The following SUCNR1 variants were observed in gnomAD, a reference collection of about 807,000 sequenced individuals.
The protein encoded by SUCNR1 is succinate receptor 1, also known as G-protein coupled receptor 91.
In SUCNR1, 5 loss-of-function variants were observed where a neutral mutation model predicts 2.4. That is an observed-to-expected ratio of 2.07 (90% CI 1.08 to 4.36). The LOEUF (loss-of-function observed/expected upper bound fraction) is 4.36. SUCNR1 is among the 30% of genes most tolerant of loss of function. The pLI, the probability that SUCNR1 is intolerant of heterozygous loss-of-function variation, is 0.00. For synonymous variants in SUCNR1, 162 were observed against 143.9 expected (o/e 1.13, Z -0.90); for missense variants, 373 against 399.2 (o/e 0.93, Z 0.56).
chr3:151,879,883 C>T lies in SUCNR1; in HGVS notation c.-10C>T, dbSNP rs1310410741. On this transcript the variant is annotated 5_prime_UTR_variant, in exon 2 of 3. Coordinates refer to ENST00000362032, the MANE Select transcript of SUCNR1 (RefSeq NM_033050.6). The stretch of plus-strand genomic sequence containing the variant: ...GTTTAACTCAGCAGAATTTGTTGAA[C>T]AACTACGACATGCTGGGGATCATGG... 1.9e-6 allele frequency: 3 copies of T among 1,577,630 alleles called. No homozygotes were observed. Among genetic ancestry groups the T allele is most frequent in the Non-Finnish European group, 2.6e-6 (3 of 1,161,348 alleles).
At position 151,881,618 on chromosome 3, in the gene SUCNR1, C is replaced by A; in HGVS notation, c.*70C>A. On this transcript the variant is annotated 3_prime_UTR_variant, in exon 3 of 3. Transcript: ENST00000362032. ...GTTACAGTTTGCCTTAACTCATAGACATCAATCAGAGAGTGTCACAGATTT... is the reference window on the plus strand; with the variant it reads ...GTTACAGTTTGCCTTAACTCATAGAAATCAATCAGAGAGTGTCACAGATTT... The A allele has an allele frequency of 1.5e-6, 2 of 1,358,266 alleles. No individual in the cohort carries two copies. The highest frequency in any genetic ancestry group is 2.0e-4 in the Middle Eastern group (1 of 5,028). 84.1% of individuals were successfully genotyped at this position (1,358,266 alleles called of 1,614,324 possible).
At position 151,881,492 on chromosome 3, in the gene SUCNR1, C is replaced by G. The variant is rs1302799367; in HGVS notation, c.949C>G (p.Leu317Val). Residue 317 changes from leucine (L) to valine (V), a missense_variant, in exon 3 of 3, where the codon CTT becomes GTT. Leu to Val is a conservative substitution (Grantham distance 32). Coordinates refer to ENST00000362032, the MANE Select transcript of SUCNR1 (RefSeq NM_033050.6). ...TCAACTGAGACACAACTTCAAATCC[C>G]TTACATCCTTTAGCAGATGGGCTCA... ...MNQLRHNFKS[L>V]TSFSRWAHEL... The G allele has an allele frequency of 6.2e-7, 1 of 1,613,556 alleles. No individual in the cohort carries two copies. Among genetic ancestry groups the G allele is most frequent in the East Asian group, 2.2e-5 (1 of 44,886 alleles).
intron 1 of SUCNR1, among the ~76,000 whole-genome samples, chr3:151,875,177 A>G (rs76992305): frequency 0.028 from 4,284 of 152,218 alleles, 204 homozygotes; most frequent in African/African-American, 0.098. Context: ...AAAAATACCT[A>G]TTCAAAATAA....
rs772121464 is a variant in SUCNR1, at chr3:151,884,603, A to G, written c.*3055A>G. On this transcript the variant is annotated 3_prime_UTR_variant, in exon 3 of 3. Transcript: ENST00000362032. The stretch of plus-strand genomic sequence containing the variant: ...AATGTACATGTACACAATAATAAAA[A>G]TAATTTTTTTCTCAGACCTGCCTGC... 6.6e-6 allele frequency: 1 copy of G among 152,246 alleles called. No homozygotes were observed. Among genetic ancestry groups the G allele is most frequent in the Non-Finnish European group, 1.5e-5 (1 of 68,040 alleles). 9.4% of individuals were successfully genotyped at this position (152,246 alleles called of 1,614,324 possible). A position where few individuals can be genotyped will look rare whatever the true frequency, so the allele number is the denominator to read the frequency against.
In SUCNR1 at chr3:151,884,394, T is replaced by C. The variant is rs908770523; in HGVS notation, c.*2846T>C. 8 of 152,212 alleles carry C rather than the reference T, an allele frequency of 5.3e-5. No homozygotes were observed. The highest frequency in any genetic ancestry group is 5.2e-4 in the Admixed American group (8 of 15,290). The allele number at this position is 152,212 out of a possible 1,614,324, so 9.4% of individuals were successfully genotyped here. ...AATCTCTGTCTCCTAGTTCCAAATA[T>C]GGGTCATCTTGGAGTTGGTCTTCAT... On this transcript the variant is annotated 3_prime_UTR_variant, in exon 3 of 3. Coordinates refer to ENST00000362032, the MANE Select transcript of SUCNR1 (RefSeq NM_033050.6).
chr3:151,880,117 A>G (rs916999621), intron 2 of SUCNR1, among the ~76,000 whole-genome samples: 3 of 152,136 alleles, frequency 2.0e-5, no homozygotes, highest in African/African-American at 7.2e-5. Context: ...TTTAAATGTC[A>G]TCTTGTATAA....
rs139579015 is a variant in SUCNR1 at position 151,880,615 on chromosome 3, C to G, written c.72C>G (p.Tyr24Ter). Residue 24 changes from tyrosine (Y) to a stop codon, truncating the protein, a stop_gained, in exon 3 of 3, where the codon TAC (tyrosine) becomes TAG (stop). Coordinates refer to ENST00000362032, the MANE Select transcript of SUCNR1 (RefSeq NM_033050.6). LOFTEE classifies it low-confidence loss of function (END_TRUNC). ...CAGCAGAGGCTGCCCTGGAAAAGTA[C>G]TACCTTTCCATTTTTTATGGGATTG... The part of the protein sequence containing the change: ...WLAAEAALEK[Y>*]YLSIFYGIEF... 57 of 1,612,934 alleles carry G rather than the reference C, an allele frequency of 3.5e-5. No homozygotes were observed. The Admixed American group carries it at 8.7e-4, about 25-fold the overall frequency.
At chr3:151,875,496 A>T (rs1717897934) in intron 1 of SUCNR1, among the ~76,000 whole-genome samples, 1 of 152,160 alleles carries the variant, frequency 6.6e-6, no homozygotes, top group African/African-American at 2.4e-5. Flanking sequence ...AATCTATTAG[A>T]ATTATGAACT....
intron 1 of SUCNR1, among the ~76,000 whole-genome samples, chr3:151,874,137 TA>T (rs1559855910): frequency 3.3e-5 from 2 of 59,758 alleles, no homozygotes; most frequent in African/African-American, 1.4e-4. Flanking sequence ...TATATATATA[TA>T]TATATATATT....
rs1284630572 is a variant in SUCNR1, at chr3:151,883,729, T to C, written c.*2181T>C. Reference sequence around the variant, plus strand: ...TTGTGGTTTCTAAAGGAAATAATATTGAGCTTTTGTATTTTGTCTTTTAAT... The same window carrying C: ...TTGTGGTTTCTAAAGGAAATAATATCGAGCTTTTGTATTTTGTCTTTTAAT... On this transcript the variant is annotated 3_prime_UTR_variant, in exon 3 of 3. Transcript: ENST00000362032. 6.6e-6 allele frequency: 1 copy of C among 151,824 alleles called. No homozygotes were observed. Among genetic ancestry groups the C allele is most frequent in the African/African-American group, 2.4e-5 (1 of 41,356 alleles). The allele number at this position is 151,824 out of a possible 1,614,324, so 9.4% of individuals were successfully genotyped here. A position where few individuals can be genotyped will look rare whatever the true frequency, so the allele number is the denominator to read the frequency against.
intron 1 of SUCNR1, among the ~76,000 whole-genome samples, chr3:151,874,335 C>T (rs1278385911): frequency 6.7e-6 from 1 of 149,768 alleles, no homozygotes; most frequent in Non-Finnish European, 1.5e-5. Context: ...CCACCACGCC[C>T]GGCTATTTTT....
rs371936774 is a variant in SUCNR1, at chr3:151,881,527, A to G, written c.984A>G (p.Leu328=). 57 of 1,598,714 alleles carry G rather than the reference A, an allele frequency of 3.6e-5. 1 individual carries two copies. The highest frequency in any genetic ancestry group is 3.3e-4 in the Middle Eastern group (2 of 5,976). The change falls in exon 3 of 3, where the codon CTA becomes CTG. Residue 328 remains leucine (L), a synonymous_variant. Coordinates refer to ENST00000362032, the MANE Select transcript of SUCNR1 (RefSeq NM_033050.6). ...TSFSRWAHEL[L]LSFREK ...TTAGCAGATGGGCTCATGAACTCCT[A>G]CTTTCATTCAGAGAAAAGTGAGGGG...
rs1440919741 is a variant in SUCNR1 at position 151,880,814 on chromosome 3, G to A, written c.271G>A (p.Gly91Arg). The change falls in exon 3 of 3, where the codon GGA (glycine) becomes AGA (arginine). Residue 91 changes from glycine to arginine, a missense_variant. Physicochemically the swap from Gly to Arg is moderately radical, Grantham distance 125. This residue lies in a region of SUCNR1 where 184 missense variants were observed against 162.2 expected (regional missense o/e 1.13). Coordinates refer to ENST00000362032, the MANE Select transcript of SUCNR1 (RefSeq NM_033050.6). Reference sequence around the variant, plus strand: ...TTATGCCAATGGAAACTGGATATATGGAGACGTGCTCTGCATAAGCAACCG... The same window carrying A: ...TTATGCCAATGGAAACTGGATATATAGAGACGTGCTCTGCATAAGCAACCG... ...RSYANGNWIY[G>R]DVLCISNRYV... 3 of 1,613,994 alleles carry A rather than the reference G, an allele frequency of 1.9e-6. No individual in the cohort carries two copies. The African/African-American group carries it at 4.0e-5, about 22-fold the overall frequency.
chr3:151,881,518 T>G lies in SUCNR1; in HGVS notation c.975T>G (p.His325Gln), dbSNP rs750423954. ...TTACATCCTTTAGCAGATGGGCTCA[T>G]GAACTCCTACTTTCATTCAGAGAAA... ...KSLTSFSRWA[H>Q]ELLLSFREK The change falls in exon 3 of 3, where the codon CAT (histidine) becomes CAG (glutamine). Residue 325 changes from histidine (H) to glutamine (Q), a missense_variant. Around this residue, in one of 3 missense-constraint regions of SUCNR1, gnomAD observed 157 missense variants for 178.7 expected, o/e 0.88. Transcript: ENST00000362032. 4.0e-5 allele frequency: 65 copies of G among 1,607,400 alleles called. No homozygotes were observed. Among genetic ancestry groups the G allele is most frequent in the Non-Finnish European group, 3.1e-5 (36 of 1,177,828 alleles).
chr3:151,884,294 C>A lies in SUCNR1; in HGVS notation c.*2746C>A, dbSNP rs958480316. On this transcript the variant is annotated 3_prime_UTR_variant, in exon 3 of 3. Coordinates refer to ENST00000362032, the MANE Select transcript of SUCNR1 (RefSeq NM_033050.6). ...GAAGAATAGAGTGTATATACATAAA[C>A]CCATGTGCCAGCTGCCATTGCACTG... 3 of 152,092 alleles carry A rather than the reference C, an allele frequency of 2.0e-5. No individual in the cohort carries two copies. The highest frequency in any genetic ancestry group is 7.2e-5 in the African/African-American group (3 of 41,414). 9.4% of individuals were successfully genotyped at this position (152,092 alleles called of 1,614,324 possible). A position where few individuals can be genotyped will look rare whatever the true frequency, so the allele number is the denominator to read the frequency against.
At position 151,880,567 on chromosome 3, in the gene SUCNR1, T is replaced by G; in HGVS notation, c.24T>G (p.Asn8Lys). 2.5e-6 allele frequency: 4 copies of G among 1,603,556 alleles called. No individual in the cohort carries two copies. In the South Asian group the frequency reaches 4.5e-5, roughly 18 times the overall value. Reference sequence around the variant, plus strand: ...TTCTCTCTCTTCTTTAGGCATGGAATGCAACTTGCAAAAACTGGCTGGCAG... The same window carrying G: ...TTCTCTCTCTTCTTTAGGCATGGAAGGCAACTTGCAAAAACTGGCTGGCAG... Reference protein sequence around the residue: MLGIMAWNATCKNWLAAE... With the variant: MLGIMAWKATCKNWLAAE... Residue 8 changes from asparagine (N) to lysine (K), a missense_variant, in exon 3 of 3, where the codon AAT becomes AAG. Physicochemically the swap from Asn to Lys is moderately conservative, Grantham distance 94 (BLOSUM62 0). This residue lies in a region of SUCNR1 where 184 missense variants were observed against 162.2 expected (regional missense o/e 1.13). Coordinates refer to ENST00000362032, the MANE Select transcript of SUCNR1 (RefSeq NM_033050.6).
rs1718117079 is a variant in SUCNR1 at position 151,882,000 on chromosome 3, A to T, written c.*452A>T. 1.3e-5 allele frequency: 2 copies of T among 154,572 alleles called. No individual in the cohort carries two copies. Among genetic ancestry groups the T allele is most frequent in the Admixed American group, 1.3e-4 (2 of 15,666 alleles). The allele number at this position is 154,572 out of a possible 1,614,324, so 9.6% of individuals were successfully genotyped here. ...GGAAGTTGTGCTGTTAAGCAAATGT[A>T]AAGTCAACAGTAACAATGATTAAGA... is the stretch of plus-strand genomic sequence containing the variant. On this transcript the variant is annotated 3_prime_UTR_variant, in exon 3 of 3. Coordinates refer to ENST00000362032, the MANE Select transcript of SUCNR1 (RefSeq NM_033050.6).
chr3:151,881,660 C>A lies in SUCNR1; in HGVS notation c.*112C>A. The A allele has an allele frequency of 1.1e-6, 1 of 947,998 alleles. No individual in the cohort carries two copies. The allele number at this position is 947,998 out of a possible 1,614,324, so 58.7% of individuals were successfully genotyped here. A position where few individuals can be genotyped will look rare whatever the true frequency, so the allele number is the denominator to read the frequency against. On this transcript the variant is annotated 3_prime_UTR_variant, in exon 3 of 3. Coordinates refer to ENST00000362032, the MANE Select transcript of SUCNR1 (RefSeq NM_033050.6). ...CACAGATTTAACCTTGATCTAAAGA[C>A]AAGTTGTACCCAGAGTATGTGAAAA...
chr3:151,884,216 A>G lies in SUCNR1; in HGVS notation c.*2668A>G, dbSNP rs1481341926. On this transcript the variant is annotated 3_prime_UTR_variant, in exon 3 of 3. Transcript: ENST00000362032. ...GTCAATGCTTCTTTTGCATGTGAATAATCAAGCTATTTTTTTGTCATCATT... is the reference window on the plus strand; with the variant it reads ...GTCAATGCTTCTTTTGCATGTGAATGATCAAGCTATTTTTTTGTCATCATT... 1 of 152,226 alleles carries G rather than the reference A, an allele frequency of 6.6e-6. No homozygotes were observed. Among genetic ancestry groups the G allele is most frequent in the East Asian group, 1.9e-4 (1 of 5,206 alleles). 9.4% of individuals were successfully genotyped at this position (152,226 alleles called of 1,614,324 possible).
Sources: allele counts gnomAD v4.1 joint callset (sites outside exome capture counted in the v4.1 genomes callset), GRCh38; gene constraint gnomAD v4.1.1; regional missense constraint gnomAD v4.1.1; transcripts MANE v1.5; gene names NCBI Gene and HGNC (gene_info 2026-07-23, HGNC 2026-07-21).